Variants in BNC2 observed in about 807,000 individuals in gnomAD.
BNC2 encodes the protein zinc finger protein basonuclin-2.
BNC2 carries 20 observed loss-of-function variants against 76.3 expected under a neutral mutation model. The ratio of observed to expected loss-of-function variants is 0.26; its 90% CI spans 0.18 to 0.38. The LOEUF (loss-of-function observed/expected upper bound fraction) is 0.38. BNC2 is among the 10% of genes least tolerant of loss of function. The pLI, the probability that BNC2 is intolerant of heterozygous loss-of-function variation, is 1.00. For synonymous variants in BNC2, 582 were observed against 514.8 expected (o/e 1.13, Z -1.77); for missense variants, 1,382 against 1,399.8 (o/e 0.99, Z 0.20).
At chr9:16,845,554 T>C (rs1332699947) in intron 1 of BNC2, among the ~76,000 whole-genome samples, 1 of 151,640 alleles carries the variant, frequency 6.6e-6, no homozygotes, top group Non-Finnish European at 1.5e-5. Flanking sequence ...ACCCCATCTC[T>C]ACTAAAAATA....
intron 1 of BNC2, among the ~76,000 whole-genome samples, chr9:16,786,365 T>C (rs762969723): frequency 1.3e-4 from 19 of 151,978 alleles, no homozygotes; most frequent in Non-Finnish European, 2.4e-4. Context: ...ACTTCATTCC[T>C]GGGTAGGTGG....
At chr9:16,834,125 G>C (rs565562673) in intron 1 of BNC2, among the ~76,000 whole-genome samples, 3 of 151,734 alleles carry the variant, frequency 2.0e-5, no homozygotes, top group Non-Finnish European at 2.9e-5. Context: ...TTTGGATTCT[G>C]AGTAATATTC....
intron 5 of BNC2, among the ~76,000 whole-genome samples, chr9:16,533,368 T>C (rs916803399): frequency 6.6e-6 from 1 of 152,202 alleles, no homozygotes; most frequent in Admixed American, 6.5e-5. Flanking sequence ...TAAATGAGAT[T>C]CTAGCCATTA....
chr9:16,462,527 G>A (rs560934622), intron 5 of BNC2, among the ~76,000 whole-genome samples: 1 of 152,170 alleles, frequency 6.6e-6, no homozygotes, highest in South Asian at 2.1e-4. Context: ...ACAAAGTTTG[G>A]AGAAAAGTAA....
intron 3 of BNC2, among the ~76,000 whole-genome samples, chr9:16,693,176 G>A (rs1263747773): frequency 6.7e-6 from 1 of 148,854 alleles, no homozygotes; most frequent in Non-Finnish European, 1.5e-5. Context: ...GAGGGGGTGA[G>A]AGTGGCAAGA....
At chr9:16,572,011 T>A (rs763331246) in intron 4 of BNC2, among the ~76,000 whole-genome samples, 1 of 152,176 alleles carries the variant, frequency 6.6e-6, no homozygotes, top group Non-Finnish European at 1.5e-5. Context: ...TTTTCTTTTA[T>A]GTTAGAGGTT....
intron 5 of BNC2, among the ~76,000 whole-genome samples, chr9:16,475,080 T>C (rs896628325): frequency 1.3e-5 from 2 of 152,188 alleles, no homozygotes; most frequent in African/African-American, 4.8e-5. Flanking sequence ...AGAAAGTAGG[T>C]CTGACTTTAC....
At chr9:16,758,646 T>C (rs1431123803) in intron 1 of BNC2, among the ~76,000 whole-genome samples, 3 of 152,286 alleles carry the variant, frequency 2.0e-5, no homozygotes, top group East Asian at 1.9e-4. Context: ...CCATTTCTTA[T>C]GTAAGATATA....
intron 4 of BNC2, among the ~76,000 whole-genome samples, chr9:16,554,251 C>T (rs1189059191): frequency 1.3e-5 from 2 of 152,168 alleles, no homozygotes; most frequent in Non-Finnish European, 1.5e-5. Flanking sequence ...TTTAAAAGTG[C>T]GTGCACACAG....
intron 1 of BNC2, among the ~76,000 whole-genome samples, chr9:16,854,632 T>C (rs1819208255): frequency 6.6e-6 from 1 of 152,044 alleles, no homozygotes; most frequent in South Asian, 2.1e-4. Context: ...TAGCATGAGG[T>C]ATCCCCCAAG....
chr9:16,782,128 T>C (rs1794555611), intron 1 of BNC2, among the ~76,000 whole-genome samples: 1 of 151,766 alleles, frequency 6.6e-6, no homozygotes. Flanking sequence ...CTACTAAAAA[T>C]ACAAAAATTA....
intron 1 of BNC2, among the ~76,000 whole-genome samples, chr9:16,761,066 G>A (rs1037997012): frequency 2.3e-4 from 32 of 140,702 alleles, no homozygotes; most frequent in African/African-American, 6.9e-4. Flanking sequence ...AACACAGAGC[G>A]GCCCCGTCTC....
intron 3 of BNC2, among the ~76,000 whole-genome samples, chr9:16,678,261 C>CTTTCTCTTTTTTTTTTTTTTTTTTT (rs1473647913): frequency 1.3e-5 from 1 of 75,888 alleles, no homozygotes; most frequent in African/African-American, 5.3e-5. Flanking sequence ...TGTTTTCTTT[C>CTTTCTCTTTTTTTTTTTTTTTTTTT]TTTTTCTTTT....
intron 1 of BNC2, among the ~76,000 whole-genome samples, chr9:16,824,141 T>C (rs1188236063): frequency 1.3e-5 from 2 of 152,166 alleles, no homozygotes; most frequent in East Asian, 1.9e-4. Context: ...GTCATAAAAA[T>C]AGGCTGTGAC....
chr9:16,488,608 C>A (rs1426654775), intron 5 of BNC2, among the ~76,000 whole-genome samples: 1 of 152,160 alleles, frequency 6.6e-6, no homozygotes, highest in Non-Finnish European at 1.5e-5. Context: ...GCTTAGCCTG[C>A]AAATATGACA....
At chr9:16,793,087 T>C (rs1817556764) in intron 1 of BNC2, among the ~76,000 whole-genome samples, 1 of 152,198 alleles carries the variant, frequency 6.6e-6, no homozygotes, top group African/African-American at 2.4e-5. Context: ...GAAAACATAC[T>C]GCAAGAAACA....
intron 5 of BNC2, among the ~76,000 whole-genome samples, chr9:16,533,004 A>G (rs1818028283): frequency 6.6e-6 from 1 of 152,262 alleles, no homozygotes; most frequent in Non-Finnish European, 1.5e-5. Flanking sequence ...TGTCTAAATA[A>G]TAAATTACTG....
chr9:16,487,405 A>G (rs902840924), intron 5 of BNC2, among the ~76,000 whole-genome samples: 1 of 152,188 alleles, frequency 6.6e-6, no homozygotes. Context: ...GTTTTATAAA[A>G]ATGTATGAGA....
chr9:16,772,408 A>G (rs2135469146), intron 1 of BNC2, among the ~76,000 whole-genome samples: 1 of 152,288 alleles, frequency 6.6e-6, no homozygotes, highest in East Asian at 1.9e-4. Flanking sequence ...AAACCAATAT[A>G]ACATTTTTTT....
Sources: gnomAD v4.1 joint callset for allele counts (sites outside exome capture counted in the v4.1 genomes callset) on GRCh38, gnomAD v4.1.1 for gene constraint, MANE v1.5 for transcripts, NCBI Gene and HGNC (gene_info 2026-07-23, HGNC 2026-07-21) for gene names.